Variants in ERI1 observed in about 807,000 individuals in gnomAD.
ERI1 encodes the protein exoribonuclease 1.
A neutral mutation model predicts 39.7 loss-of-function variants in ERI1; 39 were observed. The observed-to-expected ratio is 0.98, with a 90% CI of 0.76 to 1.28. The LOEUF is 1.28. ERI1 is among the 50% of genes most tolerant of loss of function. ERI1 has a pLI of 0.00. For synonymous variants in ERI1, 204 were observed against 149.6 expected (o/e 1.36, Z -2.65); for missense variants, 581 against 416.9 (o/e 1.39, Z -3.43).
intron 3 of ERI1, among the ~76,000 whole-genome samples, chr8:9,071,723 T>C (rs566110396): frequency 6.6e-6 from 1 of 152,138 alleles, no homozygotes; most frequent in Non-Finnish European, 1.5e-5. Flanking sequence ...CATCACACCT[T>C]TGGTTTTTGA....
intron 3 of ERI1, among the ~76,000 whole-genome samples, chr8:9,086,504 C>T (rs563777754): frequency 1.3e-5 from 2 of 152,150 alleles, no homozygotes; most frequent in Non-Finnish European, 2.9e-5. Context: ...AAGCTGAGAT[C>T]ACGCCACGTC....
chr8:9,085,968 G>A lies in ERI1; in HGVS notation n.300-30380G>A, dbSNP rs1441521174. On this transcript the variant is annotated intron_variant and non_coding_transcript_variant, in intron 3 of 3. Coordinates refer to the ERI1 transcript ENST00000518663. ...GTGTGTGCATAAGCATGCATGTGTT[G>A]GTTTGTGTGTATCTAGAAGATAATC... is the stretch of plus-strand genomic sequence containing the variant. Among the ~76,000 whole-genome samples, 5 of 150,630 alleles carry A rather than the reference G, an allele frequency of 3.3e-5. No homozygotes were observed. In the Admixed American group the frequency reaches 3.3e-4, roughly 10 times the overall value.
intron 3 of ERI1, among the ~76,000 whole-genome samples, chr8:9,079,378 C>T (rs750697206): frequency 6.6e-6 from 1 of 152,150 alleles, no homozygotes; most frequent in South Asian, 2.1e-4. Context: ...TTTTCATTTT[C>T]CCTAAACAAA....
chr8:9,067,357 G>A (rs1401392153), intron 3 of ERI1, among the ~76,000 whole-genome samples: 1 of 149,326 alleles, frequency 6.7e-6, no homozygotes, highest in Non-Finnish European at 1.5e-5. Context: ...AGGTCATGAT[G>A]GGATTTCATT....
chr8:9,075,150 TC>T (rs1799169089), intron 3 of ERI1, among the ~76,000 whole-genome samples: 8 of 152,222 alleles, frequency 5.3e-5, no homozygotes. Context: ...TCTAAATGAA[TC>T]TGACTATGTC....
At chr8:9,019,659 C>T (rs940614683) in intron 5 of ERI1, among the ~76,000 whole-genome samples, 5 of 152,152 alleles carry the variant, frequency 3.3e-5, no homozygotes, top group African/African-American at 1.2e-4. Flanking sequence ...TACAGAAGCA[C>T]TAGTGTCCTG....
Position 9,030,388 on chromosome 8 carries a change from A to T in ERI1, c.*354A>T. ...TATCTTACTGGTGTTTAAATATGTA[A>T]TGTGTTTCTTTATTAACATCACTAG... On this transcript the variant is annotated 3_prime_UTR_variant, in exon 7 of 7. Transcript: ENST00000250263. 1 of 205,042 alleles carries T rather than the reference A, an allele frequency of 4.9e-6. No homozygotes were observed. The highest frequency in any genetic ancestry group is 2.3e-5 in the African/African-American group (1 of 44,278). The allele number at this position is 205,042 out of a possible 1,614,324, so 12.7% of individuals were successfully genotyped here. A position where few individuals can be genotyped will look rare whatever the true frequency, so the allele number is the denominator to read the frequency against.
downstream of ERI1, among the ~76,000 whole-genome samples, chr8:9,034,441 T>A (rs1284874256): frequency 6.6e-6 from 1 of 152,254 alleles, no homozygotes; most frequent in South Asian, 2.1e-4. Flanking sequence ...CAGCATACTT[T>A]CACTTCATGT....
intron 3 of ERI1, among the ~76,000 whole-genome samples, chr8:9,045,279 C>T (rs1277584537): frequency 1.3e-5 from 2 of 150,982 alleles, no homozygotes; most frequent in East Asian, 3.9e-4. Flanking sequence ...ACGTTCAGCC[C>T]TAAGCTGGCT....
intron 5 of ERI1, among the ~76,000 whole-genome samples, chr8:9,018,920 T>A (rs1817596034): frequency 6.6e-6 from 1 of 152,200 alleles, no homozygotes; most frequent in African/African-American, 2.4e-5. Context: ...ACGCCATTGA[T>A]CTTTTTTTTC....
chr8:9,011,105 C>T (rs978099524), intron 2 of ERI1, among the ~76,000 whole-genome samples: 9 of 152,100 alleles, frequency 5.9e-5, no homozygotes, highest in African/African-American at 1.7e-4. Flanking sequence ...AGAGATAATA[C>T]GATATTTTCA....
At chr8:9,021,229 A>G (rs564140865) in intron 6 of ERI1, among the ~76,000 whole-genome samples, 4 of 152,256 alleles carry the variant, frequency 2.6e-5, no homozygotes, top group South Asian at 2.1e-4. Context: ...TTCAAACTGT[A>G]AGTCACTTCT....
chr8:9,009,997 G>A (rs777370970), intron 2 of ERI1, among the ~76,000 whole-genome samples: 1 of 152,214 alleles, frequency 6.6e-6, no homozygotes, highest in Non-Finnish European at 1.5e-5. Flanking sequence ...TATTTAAGCA[G>A]AAAATTGGTG....
intron 3 of ERI1, among the ~76,000 whole-genome samples, chr8:9,078,002 TC>T (rs1425941868): frequency 6.6e-6 from 1 of 152,204 alleles, no homozygotes; most frequent in Non-Finnish European, 1.5e-5. Context: ...TTTTTCTTTT[TC>T]TTTTGAGACA....
intron 3 of ERI1, among the ~76,000 whole-genome samples, chr8:9,077,920 G>A (rs1444949312): frequency 3.9e-5 from 6 of 152,114 alleles, no homozygotes; most frequent in Non-Finnish European, 8.8e-5. Context: ...AGGGGAATGC[G>A]CTGCTTTCTT....
rs577355673 is a variant in ERI1, at chr8:9,082,841, A to C, written n.300-33507A>C. Among the ~76,000 whole-genome samples, 221 of 152,318 alleles carry C rather than the reference A, an allele frequency of 1.5e-3. 2 individuals are homozygous for C. Among genetic ancestry groups the C allele is most frequent in the African/African-American group, 4.9e-3 (203 of 41,570 alleles). On this transcript the variant is annotated intron_variant and non_coding_transcript_variant, in intron 3 of 3. Coordinates refer to the ERI1 transcript ENST00000518663. ...AGTCATAATAGCAAGAGTCCGGTCT[A>C]GTCAGTTCAGGGTGAACTAAGACAT...
At chr8:9,085,955 G>A (rs554901914) in intron 3 of ERI1, among the ~76,000 whole-genome samples, 2 of 152,246 alleles carry the variant, frequency 1.3e-5, no homozygotes, top group Admixed American at 1.3e-4. Context: ...GTGTGCATAA[G>A]CATGCATGTG....
At chr8:9,059,268 G>T (rs1798613909) in intron 3 of ERI1, among the ~76,000 whole-genome samples, 1 of 152,182 alleles carries the variant, frequency 6.6e-6, no homozygotes, top group Non-Finnish European at 1.5e-5. Context: ...TGTACATGCA[G>T]GTCACAGGGG....
intron 3 of ERI1, among the ~76,000 whole-genome samples, chr8:9,057,068 A>C (rs899598195): frequency 1.3e-5 from 2 of 152,174 alleles, no homozygotes; most frequent in South Asian, 2.1e-4. Flanking sequence ...CCTGACCTCA[A>C]GTGATCTGCC....
Sources: allele counts gnomAD v4.1 joint callset (sites outside exome capture counted in the v4.1 genomes callset), GRCh38; gene constraint gnomAD v4.1.1; transcripts MANE v1.5; gene names NCBI Gene and HGNC (gene_info 2026-07-23, HGNC 2026-07-21).